Variants in EXOC4 observed in about 807,000 individuals in gnomAD.
EXOC4 encodes SEC8-like 1.
A neutral mutation model predicts 107.2 loss-of-function variants in EXOC4; 71 were observed. That is an observed-to-expected ratio of 0.66 (90% CI 0.55 to 0.81). The LOEUF is 0.81. EXOC4 is among the 30% of genes least tolerant of loss of function. EXOC4 has a pLI of 0.00. For synonymous variants in EXOC4, 456 were observed against 441.2 expected (o/e 1.03, Z -0.42); for missense variants, 1,108 against 1,189.6 (o/e 0.93, Z 1.01).
At chr7:134,068,669 T>C (rs1251117600), downstream of EXOC4, among the ~76,000 whole-genome samples, 1 of 152,206 alleles carries the variant, frequency 6.6e-6, no homozygotes, top group Non-Finnish European at 1.5e-5. Flanking sequence ...TTCCAGCAGT[T>C]ACTGCCCTCT....
At chr7:133,617,628 A>G (rs1219212314) in intron 9 of EXOC4, among the ~76,000 whole-genome samples, 1 of 152,162 alleles carries the variant, frequency 6.6e-6, no homozygotes, top group Non-Finnish European at 1.5e-5. Context: ...GGAGTCTGAC[A>G]GAAGCATCCC....
chr7:133,522,025 C>T lies in EXOC4; in HGVS notation c.1417+41887C>T, dbSNP rs190780456. ...ACTGGATTTGAGTAGTTTATGACTCCTGTTTATTAAATCAAAATCAGCAAA... is the reference window on the plus strand; with the variant it reads ...ACTGGATTTGAGTAGTTTATGACTCTTGTTTATTAAATCAAAATCAGCAAA... On this transcript the variant is annotated intron_variant, in intron 9 of 17. Transcript: ENST00000253861. 1.4e-4 allele frequency among the ~76,000 whole-genome samples: 22 copies of T among 151,992 alleles called. No individual in the cohort carries two copies. In the East Asian group the frequency reaches 4.0e-3, roughly 28 times the overall value.
chr7:133,508,376 G>A (rs897495965), intron 9 of EXOC4, among the ~76,000 whole-genome samples: 28 of 152,110 alleles, frequency 1.8e-4, no homozygotes, highest in African/African-American at 6.5e-4. Context: ...GTCCTTTTAT[G>A]ATGCTGATGG....
At chr7:133,899,159 A>G (rs1034182916) in intron 12 of EXOC4, among the ~76,000 whole-genome samples, 2 of 151,900 alleles carry the variant, frequency 1.3e-5, no homozygotes, top group Admixed American at 6.6e-5. Context: ...GGCACCCAAT[A>G]ACTTTCTTAC....
chr7:133,906,661 G>A (rs527350794), intron 12 of EXOC4, among the ~76,000 whole-genome samples: 1 of 152,234 alleles, frequency 6.6e-6, no homozygotes, highest in African/African-American at 2.4e-5. Context: ...TGTTTACTAC[G>A]GCTCGAGCTG....
intron 17 of EXOC4, among the ~76,000 whole-genome samples, chr7:134,034,036 C>T (rs755796408): frequency 2.6e-4 from 39 of 151,948 alleles, no homozygotes; most frequent in Non-Finnish European, 5.1e-4. Flanking sequence ...TTAAGCAAAG[C>T]GAGTAAATAA....
intron 1 of EXOC4, among the ~76,000 whole-genome samples, chr7:133,264,476 T>C (rs1346773687): frequency 1.3e-5 from 2 of 152,210 alleles, no homozygotes; most frequent in Non-Finnish European, 2.9e-5. Flanking sequence ...GGGATGGGAT[T>C]ATCTTGTAGT....
intron 17 of EXOC4, among the ~76,000 whole-genome samples, chr7:134,012,623 G>A (rs576491510): frequency 6.6e-6 from 1 of 152,258 alleles, no homozygotes; most frequent in African/African-American, 2.4e-5. Context: ...CATAAAAAGG[G>A]AGCCGGCAAT....
intron 10 of EXOC4, among the ~76,000 whole-genome samples, chr7:133,662,129 A>G (rs530607586): frequency 2.6e-5 from 4 of 152,264 alleles, no homozygotes; most frequent in Non-Finnish European, 5.9e-5. Flanking sequence ...CACAACTGCA[A>G]TTGTTAGGGC....
chr7:133,924,441 A>G (rs1388589109), intron 13 of EXOC4, among the ~76,000 whole-genome samples: 1 of 152,200 alleles, frequency 6.6e-6, no homozygotes. Context: ...TCATTCCAGA[A>G]AAGAGAATAC....
chr7:134,014,185 C>T (rs546333185), intron 17 of EXOC4, among the ~76,000 whole-genome samples: 9 of 152,300 alleles, frequency 5.9e-5, no homozygotes, highest in South Asian at 2.1e-4. Context: ...AGGCAGATCA[C>T]GAGGTCAGGA....
chr7:133,730,912 A>G (rs972888920), intron 10 of EXOC4, among the ~76,000 whole-genome samples: 2 of 152,148 alleles, frequency 1.3e-5, no homozygotes, highest in Non-Finnish European at 2.9e-5. Context: ...TAAATATTCT[A>G]CTTTCCTCTA....
intron 7 of EXOC4, among the ~76,000 whole-genome samples, chr7:133,426,806 G>A (rs1797737681): frequency 6.6e-6 from 1 of 152,198 alleles, no homozygotes; most frequent in Non-Finnish European, 1.5e-5. Flanking sequence ...TAGTTCAGTT[G>A]ACTTCCTGTT....
chr7:133,484,216 A>G, intron 9 of EXOC4: 1 of 1,475,422 alleles, frequency 6.8e-7, no homozygotes, highest in Non-Finnish European at 9.0e-7. Flanking sequence ...CTTTGGTGTT[A>G]TCAATGCATC....
At chr7:133,277,119 G>A (rs1042159772) in intron 2 of EXOC4, among the ~76,000 whole-genome samples, 4 of 152,028 alleles carry the variant, frequency 2.6e-5, no homozygotes, top group Admixed American at 6.6e-5. Context: ...GCGCCACCAC[G>A]CCTGGCTATA....
chr7:133,467,377 G>A (rs1798755765), intron 7 of EXOC4, among the ~76,000 whole-genome samples: 1 of 151,746 alleles, frequency 6.6e-6, no homozygotes, highest in South Asian at 2.1e-4. Context: ...TTGGTCGGTT[G>A]TCTCTTCTTG....
chr7:133,507,587 A>G (rs2150894537), intron 9 of EXOC4, among the ~76,000 whole-genome samples: 1 of 152,338 alleles, frequency 6.6e-6, no homozygotes, highest in South Asian at 2.1e-4. Flanking sequence ...CTTGTCTAGC[A>G]ATGGTTGGCC....
At chr7:133,441,369 A>G (rs1380999811) in intron 7 of EXOC4, among the ~76,000 whole-genome samples, 1 of 152,142 alleles carries the variant, frequency 6.6e-6, no homozygotes, top group Non-Finnish European at 1.5e-5. Context: ...TGCATATTTT[A>G]TGGAGCAAGG....
At chr7:133,988,688 A>C (rs1356621449) in intron 14 of EXOC4, among the ~76,000 whole-genome samples, 3 of 152,138 alleles carry the variant, frequency 2.0e-5, no homozygotes, top group Non-Finnish European at 4.4e-5. Flanking sequence ...GTTTTGAAAG[A>C]GGAGTAAGAG....
Sources: allele counts gnomAD v4.1 joint callset (sites outside exome capture counted in the v4.1 genomes callset), GRCh38; gene constraint gnomAD v4.1.1; transcripts MANE v1.5; gene names NCBI Gene and HGNC (gene_info 2026-07-23, HGNC 2026-07-21).